TMCC1: variants seen among roughly 807,000 people sequenced by gnomAD.
TMCC1 encodes the protein transmembrane and coiled-coil domain family 1.
TMCC1 carries 15 observed loss-of-function variants against 52.4 expected under a neutral mutation model. That is an observed-to-expected ratio of 0.29 (90% CI 0.19 to 0.44). The LOEUF (loss-of-function observed/expected upper bound fraction) is 0.44, where lower values mean the gene tolerates loss of function less well. TMCC1 is among the 20% of genes least tolerant of loss of function. The probability of loss-of-function intolerance (pLI) is 1.00; values close to 1 mark genes in which losing one functional copy is unlikely to be tolerated. For missense variants in TMCC1, 503 were observed against 806.0 expected (o/e 0.62, Z 4.55); for synonymous variants, 279 against 301.9 (o/e 0.92, Z 0.79).
chr3:129,892,851 T>G (rs1272317238), intron 1 of TMCC1: 1 of 151,996 alleles, frequency 6.6e-6, no homozygotes. Flanking sequence ...TTAGGGAAGG[T>G]GCAACTCGCT....
chr3:129,852,160 A>G (rs1266090519), intron 2 of TMCC1, among the ~76,000 whole-genome samples: 1 of 152,042 alleles, frequency 6.6e-6, no homozygotes, highest in African/African-American at 2.4e-5. Context: ...CTGAAAAAAG[A>G]AAAAACAAAG....
intron 1 of TMCC1, among the ~76,000 whole-genome samples, chr3:129,882,623 T>C (rs932909838): frequency 1.3e-5 from 2 of 152,244 alleles, no homozygotes; most frequent in Admixed American, 6.5e-5. Flanking sequence ...AAGTGTCATA[T>C]GTCCATGAAC....
chr3:129,755,410 T>C (rs1267227691), intron 4 of TMCC1, among the ~76,000 whole-genome samples: 3 of 152,158 alleles, frequency 2.0e-5, no homozygotes, highest in Non-Finnish European at 2.9e-5. Flanking sequence ...GTGAAAACTA[T>C]TGATTTGTAA....
At chr3:129,785,653 G>T (rs1369142595) in intron 4 of TMCC1, among the ~76,000 whole-genome samples, 3 of 151,852 alleles carry the variant, frequency 2.0e-5, no homozygotes, top group Non-Finnish European at 4.4e-5. Flanking sequence ...ATACCATGTA[G>T]ATCTATGATC....
At chr3:129,793,595 T>G (rs772134553) in intron 4 of TMCC1, among the ~76,000 whole-genome samples, 26 of 152,202 alleles carry the variant, frequency 1.7e-4, no homozygotes, top group Non-Finnish European at 3.7e-4. Flanking sequence ...CTTTCCATAT[T>G]AGTTTCTGCA....
intron 4 of TMCC1, among the ~76,000 whole-genome samples, chr3:129,786,772 A>T (rs1282933015): frequency 6.6e-6 from 1 of 152,236 alleles, no homozygotes; most frequent in Non-Finnish European, 1.5e-5. Context: ...TAAAATGAAG[A>T]GAAATCTGTT....
At chr3:129,820,101 G>T in intron 4 of TMCC1, among the ~76,000 whole-genome samples, 1 of 146,504 alleles carries the variant, frequency 6.8e-6, no homozygotes. Context: ...AGGCCTTGAA[G>T]ACGCCTACTA....
intron 2 of TMCC1, among the ~76,000 whole-genome samples, chr3:129,835,946 T>C (rs913868841): frequency 6.6e-6 from 1 of 152,162 alleles, no homozygotes; most frequent in African/African-American, 2.4e-5. Flanking sequence ...TTACATTAAA[T>C]GTAATTGGAC....
chr3:129,800,341 T>C (rs1043905136), intron 4 of TMCC1, among the ~76,000 whole-genome samples: 3 of 152,196 alleles, frequency 2.0e-5, no homozygotes, highest in African/African-American at 4.8e-5. Flanking sequence ...TGGGTATATG[T>C]AGCCTAAAAA....
At chr3:129,844,003 CA>C (rs2059546979) in intron 2 of TMCC1, among the ~76,000 whole-genome samples, 1 of 150,572 alleles carries the variant, frequency 6.6e-6, no homozygotes, top group Non-Finnish European at 1.5e-5. Flanking sequence ...AAATCAAATA[CA>C]GCATTATATA....
At chr3:129,820,960 G>A (rs1249529677) in intron 4 of TMCC1, among the ~76,000 whole-genome samples, 5 of 152,196 alleles carry the variant, frequency 3.3e-5, no homozygotes, top group African/African-American at 1.2e-4. Context: ...AAGGAAAGCA[G>A]TGGGAAACTT....
chr3:129,725,384 C>T lies in TMCC1; in HGVS notation c.577-54120G>A, dbSNP rs573994655. Reference sequence around the variant, plus strand: ...TTGGCCTCCTAGAGTGTTGGGATTACAGATGTGAGCCACTGTGCGCGGCCT... The same window carrying T: ...TTGGCCTCCTAGAGTGTTGGGATTATAGATGTGAGCCACTGTGCGCGGCCT... On this transcript the variant is annotated intron_variant, in intron 4 of 6. Transcript: ENST00000393238. Among the ~76,000 whole-genome samples, 34 of 152,274 alleles carry T rather than the reference C, an allele frequency of 2.2e-4. No individual in the cohort carries two copies. In the Middle Eastern group the frequency reaches 0.01, roughly 46 times the overall value.
intron 4 of TMCC1, among the ~76,000 whole-genome samples, chr3:129,774,854 C>A (rs774066690): frequency 6.6e-6 from 1 of 151,992 alleles, no homozygotes; most frequent in Non-Finnish European, 1.5e-5. Context: ...AGAGCAGAGG[C>A]CAGGTCATAA....
intron 4 of TMCC1, among the ~76,000 whole-genome samples, chr3:129,744,912 T>C (rs186798230): frequency 1.0e-3 from 152 of 152,338 alleles, no homozygotes; most frequent in African/African-American, 3.4e-3. Context: ...ATGATGCTTT[T>C]TGTTAATCAT....
intron 4 of TMCC1, among the ~76,000 whole-genome samples, chr3:129,729,241 G>A (rs2050356082): frequency 6.6e-6 from 1 of 152,046 alleles, no homozygotes; most frequent in Non-Finnish European, 1.5e-5. Flanking sequence ...GCAACTGTCA[G>A]TTTTTTATTT....
intron 4 of TMCC1, among the ~76,000 whole-genome samples, chr3:129,816,473 T>C (rs1466517695): frequency 6.6e-6 from 1 of 152,064 alleles, no homozygotes; most frequent in Non-Finnish European, 1.5e-5. Context: ...TTAAGTGAAA[T>C]AAGCCAAGCA....
chr3:129,661,949 C>G (rs190069140), intron 5 of TMCC1, among the ~76,000 whole-genome samples: 2 of 152,280 alleles, frequency 1.3e-5, no homozygotes, highest in East Asian at 3.9e-4. Context: ...CTAGTGTTTA[C>G]TTCCTGTCTA....
chr3:129,748,132 G>A (rs2107649096), intron 4 of TMCC1, among the ~76,000 whole-genome samples: 1 of 152,276 alleles, frequency 6.6e-6, no homozygotes, highest in Admixed American at 6.5e-5. Context: ...ATTATCTATA[G>A]AGACTCAGTA....
At chr3:129,717,483 A>G (rs1158138130) in intron 4 of TMCC1, among the ~76,000 whole-genome samples, 1 of 152,154 alleles carries the variant, frequency 6.6e-6, no homozygotes, top group African/African-American at 2.4e-5. Flanking sequence ...TGACTCTAAG[A>G]GTCTCTAGAC....
Sources: gnomAD v4.1 joint callset for allele counts (sites outside exome capture counted in the v4.1 genomes callset) on GRCh38, gnomAD v4.1.1 for gene constraint, MANE v1.5 for transcripts, NCBI Gene and HGNC (gene_info 2026-07-23, HGNC 2026-07-21) for gene names.